The following FAM185A variants were observed in gnomAD, a reference collection of about 807,000 sequenced individuals.
The protein encoded by FAM185A is family with sequence similarity 185 member A.
FAM185A carries 21 observed loss-of-function variants against 45.7 expected under a neutral mutation model. The observed-to-expected ratio is 0.46, with a 90% CI of 0.33 to 0.66. The LOEUF (loss-of-function observed/expected upper bound fraction) is 0.66, where lower values mean the gene tolerates loss of function less well. Ranked by LOEUF, FAM185A falls within the 30% of genes least tolerant of loss-of-function variation. The pLI, the probability that FAM185A is intolerant of heterozygous loss-of-function variation, is 0.03. For synonymous variants in FAM185A, 117 were observed against 194.0 expected (o/e 0.60, Z 3.30); for missense variants, 305 against 485.4 (o/e 0.63, Z 3.49).
At chr7:102,823,341 A>G in the FAM185A span, among the ~76,000 whole-genome samples, 3 of 152,222 alleles carry the variant, frequency 2.0e-5, no homozygotes, top group Non-Finnish European at 4.4e-5. Flanking sequence ...ACAGCCTCAT[A>G]TTACTATGAG....
At chr7:102,844,320 A>G in the FAM185A span, among the ~76,000 whole-genome samples, 1 of 152,240 alleles carries the variant, frequency 6.6e-6, no homozygotes, top group Non-Finnish European at 1.5e-5. Flanking sequence ...CCTCCAAACC[A>G]GAAAATATAA....
chr7:102,820,477 A>G, the FAM185A span, among the ~76,000 whole-genome samples: 2 of 152,110 alleles, frequency 1.3e-5, no homozygotes, highest in Non-Finnish European at 2.9e-5. Flanking sequence ...TTTTGCACGT[A>G]TATTTTTTAA....
intron 7 of FAM185A, among the ~76,000 whole-genome samples, chr7:102,798,146 A>G (rs1796555756): frequency 6.6e-6 from 1 of 152,232 alleles, no homozygotes; most frequent in African/African-American, 2.4e-5. Context: ...CACAGTGTAT[A>G]GGGATAGAGT....
intron 7 of FAM185A, among the ~76,000 whole-genome samples, chr7:102,790,190 CACATA>C (rs1279422892): frequency 6.6e-6 from 1 of 152,120 alleles, no homozygotes; most frequent in Non-Finnish European, 1.5e-5. Flanking sequence ...TTATGAACTA[CACATA>C]ACATATGTGC....
the FAM185A span, among the ~76,000 whole-genome samples, chr7:102,837,997 G>A: frequency 2.0e-5 from 3 of 152,202 alleles, no homozygotes; most frequent in Admixed American, 1.3e-4. Context: ...TATCCAAAAT[G>A]AATGAAGAAT....
At chr7:102,810,324 C>T (rs994240523), downstream of FAM185A, among the ~76,000 whole-genome samples, 5 of 151,978 alleles carry the variant, frequency 3.3e-5, no homozygotes, top group South Asian at 2.1e-4. Context: ...CCTCTGCCTC[C>T]GAGGTTCAAG....
intron 6 of FAM185A, among the ~76,000 whole-genome samples, chr7:102,778,745 C>T (rs1281383389): frequency 2.0e-5 from 3 of 152,194 alleles, no homozygotes; most frequent in Non-Finnish European, 4.4e-5. Context: ...TTAAAGACAA[C>T]TGAAAACAAA....
chr7:102,808,500 C>A lies in FAM185A; in HGVS notation c.*98C>A. 2 of 788,632 alleles carry A rather than the reference C, an allele frequency of 2.5e-6. No individual in the cohort carries two copies. The highest frequency in any genetic ancestry group is 2.7e-5 in the East Asian group (1 of 37,158). The allele number at this position is 788,632 out of a possible 1,614,324, so 48.9% of individuals were successfully genotyped here. ...CCATTCATATAAAGGTTGAAAACAA[C>A]AAATTGAGAATGAATACTGGTGAAC... On this transcript the variant is annotated 3_prime_UTR_variant, in exon 8 of 8. Coordinates refer to ENST00000413034, the MANE Select transcript of FAM185A (RefSeq NM_001145268.2).
chr7:102,813,141 G>A, downstream of FAM185A: 1 of 580,334 alleles, frequency 1.7e-6, no homozygotes, highest in East Asian at 3.3e-5. Context: ...CTCCTGGCCT[G>A]GCTTCTTTTT....
At chr7:102,840,159 G>A in the FAM185A span, among the ~76,000 whole-genome samples, 1 of 152,080 alleles carries the variant, frequency 6.6e-6, no homozygotes, top group East Asian at 1.9e-4. Context: ...ATGTATATTG[G>A]GAAAACCAAA....
chr7:102,778,451 A>G (rs1452241166), intron 6 of FAM185A, among the ~76,000 whole-genome samples: 1 of 152,304 alleles, frequency 6.6e-6, no homozygotes, highest in African/African-American at 2.4e-5. Flanking sequence ...TTGTTAATAT[A>G]ACTAGTAACA....
the FAM185A span, among the ~76,000 whole-genome samples, chr7:102,838,375 T>C: frequency 2.0e-5 from 3 of 152,102 alleles, no homozygotes; most frequent in Admixed American, 1.3e-4. Context: ...AGATAGTAGC[T>C]AGTATTATTA....
chr7:102,834,680 C>G, the FAM185A span: 1 of 151,924 alleles, frequency 6.6e-6, no homozygotes, highest in African/African-American at 2.4e-5. Context: ...AAGGATGACA[C>G]AGATTTGTGA....
chr7:102,774,900 C>T (rs1794962945), intron 5 of FAM185A, among the ~76,000 whole-genome samples: 1 of 152,148 alleles, frequency 6.6e-6, no homozygotes, highest in South Asian at 2.1e-4. Context: ...CACACCTGGC[C>T]CTTTCTTTAA....
chr7:102,817,954 A>T, the FAM185A span, among the ~76,000 whole-genome samples: 1 of 152,218 alleles, frequency 6.6e-6, no homozygotes, highest in Non-Finnish European at 1.5e-5. Context: ...TTCAAACATG[A>T]TATGTCATAG....
chr7:102,760,327 TTTGTTCTGTCA>T (rs1794037154), intron 3 of FAM185A, among the ~76,000 whole-genome samples: 1 of 152,182 alleles, frequency 6.6e-6, no homozygotes, highest in African/African-American at 2.4e-5. Flanking sequence ...AAATCTACTT[TTTGTTCTGTCA>T]TTAAATAGTA....
chr7:102,791,318 G>T (rs1198928178), intron 7 of FAM185A, among the ~76,000 whole-genome samples: 9 of 152,190 alleles, frequency 5.9e-5, no homozygotes, highest in Admixed American at 2.6e-4. Context: ...CTTTTTAGGA[G>T]GTTACTGCAG....
chr7:102,831,173 G>A, the FAM185A span, among the ~76,000 whole-genome samples: 5 of 152,234 alleles, frequency 3.3e-5, no homozygotes, highest in African/African-American at 1.2e-4. Context: ...TGCTCAGTTG[G>A]AAAAAGTGCT....
chr7:102,847,142 C>T, the FAM185A span, among the ~76,000 whole-genome samples: 12 of 151,710 alleles, frequency 7.9e-5, no homozygotes, highest in South Asian at 2.1e-4. Flanking sequence ...TGGGAAGTTG[C>T]GACAGAGACT....
Sources: gnomAD v4.1 joint callset for allele counts (sites outside exome capture counted in the v4.1 genomes callset) on GRCh38, gnomAD v4.1.1 for gene constraint, MANE v1.5 for transcripts, NCBI Gene and HGNC (gene_info 2026-07-23, HGNC 2026-07-21) for gene names.